The following ARHGAP28 variants were observed in gnomAD, a reference collection of about 807,000 sequenced individuals.
ARHGAP28 encodes the protein rho GTPase-activating protein 28.
Under a neutral mutation model 90.7 loss-of-function variants are expected in ARHGAP28, and 56 were observed. That is an observed-to-expected ratio of 0.62 (90% confidence interval 0.50 to 0.77). ARHGAP28 has a LOEUF of 0.77. Ranked by LOEUF, ARHGAP28 falls within the 30% of genes least tolerant of loss-of-function variation. The pLI, the probability that ARHGAP28 is intolerant of heterozygous loss-of-function variation, is 0.00. For missense variants in ARHGAP28, 869 were observed against 900.9 expected, an observed-to-expected ratio of 0.96 and a Z score of 0.45; for synonymous variants, 308 against 323.3, an observed-to-expected ratio of 0.95 and a Z score of 0.51.
chr18:6,899,846 CT>C (rs1486399634), intron 16 of ARHGAP28, among the ~76,000 whole-genome samples: 1 of 152,110 alleles, frequency 6.6e-6, no homozygotes, highest in Non-Finnish European at 1.5e-5. Flanking sequence ...CCCTGGTGCC[CT>C]TACTAGTACC....
intron 16 of ARHGAP28, among the ~76,000 whole-genome samples, chr18:6,904,679 ACTC>A (rs896824125): frequency 5.3e-5 from 8 of 152,170 alleles, no homozygotes; most frequent in African/African-American, 1.9e-4. Flanking sequence ...AAATTGATAA[ACTC>A]CTAGAAAGAC....
At chr18:6,827,163 CGCCATT>C (rs2056671834) in intron 2 of ARHGAP28, among the ~76,000 whole-genome samples, 1 of 152,224 alleles carries the variant, frequency 6.6e-6, no homozygotes, top group Non-Finnish European at 1.5e-5. Context: ...TCCACAAAAC[CGCCATT>C]GTCATCATGG....
At chr18:6,910,926 G>T (rs936546622) in intron 17 of ARHGAP28, among the ~76,000 whole-genome samples, 1 of 151,432 alleles carries the variant, frequency 6.6e-6, no homozygotes, top group East Asian at 2.0e-4. Flanking sequence ...CTCACTGCAA[G>T]CTCCGCCTCC....
chr18:6,862,969 T>C (rs1334205054), intron 5 of ARHGAP28, among the ~76,000 whole-genome samples: 1 of 152,148 alleles, frequency 6.6e-6, no homozygotes, highest in Non-Finnish European at 1.5e-5. Context: ...AAGTAGGTTT[T>C]TTTGTTTCTT....
intron 17 of ARHGAP28, among the ~76,000 whole-genome samples, chr18:6,909,442 G>A (rs944412049): frequency 1.6e-4 from 24 of 151,278 alleles, no homozygotes; most frequent in Admixed American, 3.3e-4. Flanking sequence ...GCAGATGCCC[G>A]CCACCACGCC....
At chr18:6,872,984 C>T (rs930358548) in intron 7 of ARHGAP28, among the ~76,000 whole-genome samples, 2 of 151,726 alleles carry the variant, frequency 1.3e-5, no homozygotes, top group Admixed American at 1.3e-4. Context: ...GATTGACTGC[C>T]CAAGAAGGAA....
intron 6 of ARHGAP28, 70 bp from the exon 7 acceptor site, chr18:6,870,519 GT>G: frequency 6.9e-7 from 1 of 1,440,206 alleles, no homozygotes; most frequent in South Asian, 1.2e-5. Flanking sequence ...TTTTGAATTT[GT>G]TTTATAGCAA....
At chr18:6,755,280 G>A (rs1326686280) in intron 1 of ARHGAP28, among the ~76,000 whole-genome samples, 2 of 152,174 alleles carry the variant, frequency 1.3e-5, no homozygotes, top group African/African-American at 2.4e-5. Context: ...GAAACATAAC[G>A]TGAGAGAGTG....
chr18:6,899,488 A>C lies in ARHGAP28; in HGVS notation c.2030+2862A>C, dbSNP rs571914760. 7.2e-5 allele frequency among the ~76,000 whole-genome samples: 11 copies of C among 152,252 alleles called. No homozygotes were observed. The South Asian group carries it at 2.3e-3, about 32-fold the overall frequency. ...GATTAGGTAAAGAGGTGGCCTAACC[A>C]CAGAAAACCTTTCTGGCAATATCTG... On this transcript the variant is annotated intron_variant, in intron 16 of 17. Transcript: ENST00000383472.
intron 1 of ARHGAP28, among the ~76,000 whole-genome samples, chr18:6,787,565 C>T (rs1311919725): frequency 6.6e-6 from 1 of 152,084 alleles, no homozygotes; most frequent in East Asian, 1.9e-4. Flanking sequence ...AAATTCTGAT[C>T]GTTTTTATCT....
intron 3 of ARHGAP28, among the ~76,000 whole-genome samples, chr18:6,839,488 A>G (rs188134924): frequency 0.012 from 1,866 of 152,092 alleles, 16 homozygotes; most frequent in Non-Finnish European, 0.015. Context: ...TAGTAGAGAC[A>G]GGGTTTCACC....
rs1357502717 is a variant in ARHGAP28, at chr18:6,912,735, G to A, written c.*581G>A. ...ACTTCTGTTTACAGAAAACTGTATT[G>A]TTATATATGTCAGGCTGTGTATTGT... On this transcript the variant is annotated 3_prime_UTR_variant, in exon 18 of 18. Coordinates refer to ENST00000383472, the MANE Select transcript of ARHGAP28 (RefSeq NM_001366230.1). 6.6e-6 allele frequency: 1 copy of A among 152,200 alleles called. No individual in the cohort carries two copies. Among genetic ancestry groups the A allele is most frequent in the Non-Finnish European group, 1.5e-5 (1 of 68,032 alleles). The allele number at this position is 152,200 out of a possible 1,614,324, so 9.4% of individuals were successfully genotyped here.
intron 1 of ARHGAP28, among the ~76,000 whole-genome samples, chr18:6,770,073 A>G (rs1005941083): frequency 6.6e-6 from 1 of 152,198 alleles, no homozygotes; most frequent in African/African-American, 2.4e-5. Flanking sequence ...AAAACAACAG[A>G]TGGCAGCAAG....
chr18:6,858,275 T>C (rs78198265), intron 4 of ARHGAP28, among the ~76,000 whole-genome samples: 2,335 of 152,296 alleles, frequency 0.015, 67 homozygotes, highest in African/African-American at 0.053. Flanking sequence ...CCCTTTCTTA[T>C]TCTTTGTTCA....
At chr18:6,775,074 C>T (rs372028793) in intron 1 of ARHGAP28, among the ~76,000 whole-genome samples, 4 of 152,172 alleles carry the variant, frequency 2.6e-5, no homozygotes, top group Admixed American at 6.5e-5. Context: ...TCCATAATAT[C>T]GATTAACCTC....
At chr18:6,850,996 T>C (rs2056906043) in intron 3 of ARHGAP28, 38 bp from the exon 4 acceptor site, 1 of 1,610,700 alleles carries the variant, frequency 6.2e-7, no homozygotes, top group Non-Finnish European at 8.5e-7. Context: ...TTTGGAAAGA[T>C]ATGCCTGGAT....
At chr18:6,765,986 G>A (rs925564187) in intron 1 of ARHGAP28, among the ~76,000 whole-genome samples, 2 of 152,152 alleles carry the variant, frequency 1.3e-5, no homozygotes, top group Non-Finnish European at 2.9e-5. Context: ...TACTTTGCAT[G>A]AATTAAGTCC....
intron 16 of ARHGAP28, among the ~76,000 whole-genome samples, chr18:6,907,187 A>G (rs554402145): frequency 2.6e-5 from 4 of 152,218 alleles, no homozygotes; most frequent in Non-Finnish European, 5.9e-5. Context: ...GAGAAACGGG[A>G]TCACTCATTC....
intron 1 of ARHGAP28, among the ~76,000 whole-genome samples, chr18:6,784,786 A>G (rs375138550): frequency 2.0e-5 from 3 of 152,320 alleles, no homozygotes; most frequent in African/African-American, 7.2e-5. Flanking sequence ...AATCCTTTGA[A>G]ATGTGTTGTG....
Sources: allele counts gnomAD v4.1 joint callset (sites outside exome capture counted in the v4.1 genomes callset), GRCh38; gene constraint gnomAD v4.1.1; transcripts MANE v1.5; gene names NCBI Gene and HGNC (gene_info 2026-07-23, HGNC 2026-07-21).